Variants in ERC2 observed in about 807,000 individuals in gnomAD.
ERC2 encodes ERC protein 2.
A neutral mutation model predicts 114.8 loss-of-function variants in ERC2; 42 were observed. The observed-to-expected ratio is 0.37, with a 90% CI of 0.29 to 0.47. The LOEUF (loss-of-function observed/expected upper bound fraction) is 0.47. ERC2 is among the 20% of genes least tolerant of loss of function. The pLI is 0.99. For missense variants in ERC2, 939 were observed against 1,150.7 expected, an observed-to-expected ratio of 0.82 and a Z score of 2.66; for synonymous variants, 454 against 425.5, an observed-to-expected ratio of 1.07 and a Z score of -0.82.
intron 7 of ERC2, among the ~76,000 whole-genome samples, chr3:56,021,390 T>C (rs1030414466): frequency 2.6e-5 from 4 of 152,106 alleles, no homozygotes; most frequent in Non-Finnish European, 4.4e-5. Flanking sequence ...CAATCAGGGT[T>C]ATCCAGCTGG....
chr3:55,574,955 T>C (rs979084619), intron 17 of ERC2, among the ~76,000 whole-genome samples: 7 of 151,998 alleles, frequency 4.6e-5, no homozygotes, highest in Admixed American at 4.6e-4. Flanking sequence ...ACTGGAGGAG[T>C]GGAGACTTCT....
chr3:55,613,861 A>C lies in ERC2; in HGVS notation c.*39+69933T>G, dbSNP rs140082111. On this transcript the variant is annotated intron_variant, in intron 17 of 17. Transcript: ENST00000288221. ...AGCTGGGTGTGGTGGTGGGCAACGTAATCCCAGCTACTTGGGAGGCTGAGG... is the reference window on the plus strand; with the variant it reads ...AGCTGGGTGTGGTGGTGGGCAACGTCATCCCAGCTACTTGGGAGGCTGAGG... Among the ~76,000 whole-genome samples, 142 of 152,032 alleles carry C rather than the reference A, an allele frequency of 9.3e-4. 1 individual carries two copies. The East Asian group carries it at 0.025, about 27-fold the overall frequency.
intron 6 of ERC2, among the ~76,000 whole-genome samples, chr3:56,138,119 G>A (rs1248886198): frequency 6.9e-6 from 1 of 145,748 alleles, no homozygotes; most frequent in Non-Finnish European, 1.5e-5. Context: ...GAGTGCAGTG[G>A]CACGATCTCC....
chr3:56,061,258 T>C (rs1400111130), intron 7 of ERC2, among the ~76,000 whole-genome samples: 1 of 152,216 alleles, frequency 6.6e-6, no homozygotes, highest in Non-Finnish European at 1.5e-5. Flanking sequence ...TATAAGACAA[T>C]TTCAATCGCT....
intron 17 of ERC2, among the ~76,000 whole-genome samples, chr3:55,559,816 C>A (rs560288357): frequency 1.3e-5 from 2 of 152,360 alleles, no homozygotes; most frequent in African/African-American, 4.8e-5. Context: ...AGGCTTTGGC[C>A]TGTTTCAGCT....
chr3:56,108,476 AT>A (rs1441677202), intron 6 of ERC2, among the ~76,000 whole-genome samples: 2 of 152,166 alleles, frequency 1.3e-5, no homozygotes, highest in African/African-American at 4.8e-5. Flanking sequence ...TTAGGAAAAA[AT>A]AATGATCTGA....
At chr3:55,890,876 C>T (rs1312465387) in intron 13 of ERC2, among the ~76,000 whole-genome samples, 1 of 152,218 alleles carries the variant, frequency 6.6e-6, no homozygotes, top group Non-Finnish European at 1.5e-5. Flanking sequence ...AGAACACATC[C>T]TTCTAGTTTT....
intron 3 of ERC2, among the ~76,000 whole-genome samples, chr3:56,197,712 C>A (rs954159968): frequency 6.6e-6 from 1 of 152,228 alleles, no homozygotes; most frequent in Non-Finnish European, 1.5e-5. Flanking sequence ...TTGGTCTTCA[C>A]CCAACTGGCT....
At chr3:55,718,357 G>T (rs1177551936) in intron 15 of ERC2, among the ~76,000 whole-genome samples, 1 of 152,168 alleles carries the variant, frequency 6.6e-6, no homozygotes, top group Non-Finnish European at 1.5e-5. Flanking sequence ...GGGCACGCAT[G>T]ACTGACCACC....
At chr3:56,084,877 A>AG (rs1437755219) in intron 6 of ERC2, among the ~76,000 whole-genome samples, 1 of 151,738 alleles carries the variant, frequency 6.6e-6, no homozygotes, top group Admixed American at 6.6e-5. Flanking sequence ...TAAAAAAAAA[A>AG]AAAAAGAAAA....
intron 2 of ERC2, among the ~76,000 whole-genome samples, chr3:56,365,793 G>T (rs1242252840): frequency 2.0e-5 from 3 of 152,198 alleles, no homozygotes; most frequent in Non-Finnish European, 2.9e-5. Context: ...GACAAAGCCT[G>T]TCTAGCCTGC....
intron 14 of ERC2, among the ~76,000 whole-genome samples, chr3:55,826,102 T>C (rs1474020321): frequency 1.3e-5 from 2 of 152,118 alleles, no homozygotes; most frequent in Non-Finnish European, 2.9e-5. Flanking sequence ...ACAGAGTCCT[T>C]GGTATCTCAT....
At chr3:56,156,451 G>A (rs946701563) in intron 4 of ERC2, among the ~76,000 whole-genome samples, 5 of 152,090 alleles carry the variant, frequency 3.3e-5, no homozygotes, top group African/African-American at 9.7e-5. Flanking sequence ...CCACAAGACG[G>A]ACACCTCCTG....
intron 3 of ERC2, among the ~76,000 whole-genome samples, chr3:56,252,789 A>C (rs903929543): frequency 1.3e-5 from 2 of 148,754 alleles, no homozygotes; most frequent in Admixed American, 1.3e-4. Flanking sequence ...CATGCCTTAC[A>C]TTTGCCCAAC....
chr3:55,583,719 G>T (rs1050601295), intron 17 of ERC2, among the ~76,000 whole-genome samples: 1 of 151,580 alleles, frequency 6.6e-6, no homozygotes, highest in African/African-American at 2.4e-5. Flanking sequence ...GAAGCTGGGG[G>T]ATCTGCTCAG....
At chr3:56,383,755 G>A (rs891439852) in intron 2 of ERC2, among the ~76,000 whole-genome samples, 26 of 151,942 alleles carry the variant, frequency 1.7e-4, no homozygotes, top group African/African-American at 4.1e-4. Flanking sequence ...AAGTACATTC[G>A]CATTATGACA....
In ERC2 at chr3:55,934,902, A is replaced by T. The variant is rs909413293; in HGVS notation, c.2403+15523T>A. 2.6e-5 allele frequency among the ~76,000 whole-genome samples: 4 copies of T among 152,330 alleles called. No homozygotes were observed. The South Asian group carries it at 6.2e-4, about 24-fold the overall frequency. Reference sequence around the variant, plus strand: ...AAAATTAGCTTGCTTCATTTCAAATAAAAAAATCATGCGGTCTGGGGGAAA... The same window carrying T: ...AAAATTAGCTTGCTTCATTTCAAATTAAAAAATCATGCGGTCTGGGGGAAA... On this transcript the variant is annotated intron_variant, in intron 13 of 17. Transcript: ENST00000288221.
chr3:55,680,779 C>T (rs976359719), intron 17 of ERC2, among the ~76,000 whole-genome samples: 2 of 152,054 alleles, frequency 1.3e-5, no homozygotes, highest in African/African-American at 4.8e-5. Context: ...ACAGGTAAAT[C>T]TTAGGCATAA....
intron 17 of ERC2, among the ~76,000 whole-genome samples, chr3:55,677,181 A>G (rs1280001153): frequency 1.3e-5 from 2 of 152,110 alleles, no homozygotes; most frequent in African/African-American, 2.4e-5. Context: ...TACTCATTAG[A>G]TTTTTCTTTA....
Sources: gnomAD v4.1 joint callset for allele counts (sites outside exome capture counted in the v4.1 genomes callset) on GRCh38, gnomAD v4.1.1 for gene constraint, MANE v1.5 for transcripts, NCBI Gene and HGNC (gene_info 2026-07-23, HGNC 2026-07-21) for gene names.